The following SEMA3A variants were observed in gnomAD, a reference collection of about 807,000 sequenced individuals.
SEMA3A encodes the protein semaphorin 3A.
SEMA3A carries 29 observed loss-of-function variants against 97.9 expected under a neutral mutation model. The ratio of observed to expected loss-of-function variants is 0.30; its 90% CI spans 0.22 to 0.40. The LOEUF is 0.40. Among genes scored for constraint, SEMA3A ranks in the 10% least tolerant of loss-of-function variants. The pLI is 1.00. For missense variants in SEMA3A, 763 were observed against 951.3 expected (o/e 0.80, Z 2.60); for synonymous variants, 321 against 323.7 (o/e 0.99, Z 0.09).
chr7:84,405,609 A>G (rs1055331824), intron 1 of SEMA3A, among the ~76,000 whole-genome samples: 3 of 152,150 alleles, frequency 2.0e-5, no homozygotes, highest in Non-Finnish European at 4.4e-5. Flanking sequence ...GCAGCACCAC[A>G]CCACACCTAT....
chr7:84,229,676 T>C (rs1799071923), intron 3 of SEMA3A, among the ~76,000 whole-genome samples: 1 of 152,176 alleles, frequency 6.6e-6, no homozygotes, highest in Non-Finnish European at 1.5e-5. Context: ...TAAAATTTAA[T>C]TTTGATTTTT....
At chr7:84,299,338 ATCTCTCTCTC>A (rs368421141) in intron 3 of SEMA3A, among the ~76,000 whole-genome samples, 2 of 112,974 alleles carry the variant, frequency 1.8e-5, no homozygotes, top group Non-Finnish European at 3.5e-5. Context: ...ATATATATGT[ATCTCTCTCTC>A]TCTCTCTCTC....
intron 3 of SEMA3A, among the ~76,000 whole-genome samples, chr7:84,283,290 C>T (rs1800495229): frequency 6.6e-6 from 1 of 152,028 alleles, no homozygotes; most frequent in Non-Finnish European, 1.5e-5. Flanking sequence ...AAAGCAGATA[C>T]ATCAATACAC....
chr7:84,358,942 A>G (rs919302341), intron 2 of SEMA3A, among the ~76,000 whole-genome samples: 1 of 152,140 alleles, frequency 6.6e-6, no homozygotes, highest in East Asian at 1.9e-4. Context: ...TTTGTCTGTT[A>G]TTGGTGTATA....
At chr7:84,373,188 A>G (rs913470461) in intron 1 of SEMA3A, among the ~76,000 whole-genome samples, 2 of 152,164 alleles carry the variant, frequency 1.3e-5, no homozygotes, top group African/African-American at 2.4e-5. Context: ...AACTAGAGTG[A>G]GCTCACACAT....
chr7:84,207,458 A>G (rs969762250), intron 3 of SEMA3A, among the ~76,000 whole-genome samples: 2 of 152,214 alleles, frequency 1.3e-5, no homozygotes, highest in African/African-American at 4.8e-5. Context: ...TTGAAAAACA[A>G]ACCAGAATCA....
intron 2 of SEMA3A, among the ~76,000 whole-genome samples, chr7:84,342,448 C>G (rs1802193458): frequency 6.6e-6 from 1 of 151,994 alleles, no homozygotes; most frequent in Admixed American, 6.6e-5. Context: ...TTCAAATGAA[C>G]TAAATGAAAA....
chr7:84,275,948 G>A (rs1471391581), intron 3 of SEMA3A, among the ~76,000 whole-genome samples: 1 of 151,650 alleles, frequency 6.6e-6, no homozygotes, highest in African/African-American at 2.4e-5. Flanking sequence ...TATTTACATG[G>A]CTCATATTAC....
intron 6 of SEMA3A, among the ~76,000 whole-genome samples, chr7:84,038,719 T>C (rs1306224300): frequency 6.6e-6 from 1 of 152,142 alleles, no homozygotes; most frequent in Non-Finnish European, 1.5e-5. Flanking sequence ...TCTTAACTAA[T>C]TTATTGAAAA....
chr7:84,182,497 G>C (rs1797763023), intron 1 of SEMA3A, among the ~76,000 whole-genome samples: 2 of 152,080 alleles, frequency 1.3e-5, no homozygotes. Flanking sequence ...TACAGTCTGA[G>C]ATGCAGCCAA....
In SEMA3A at chr7:83,963,290, C is replaced by T; in HGVS notation, c.1775G>A (p.Ser592Asn). 1.2e-6 allele frequency: 2 copies of T among 1,613,764 alleles called. No individual in the cohort carries two copies. Residue 592 changes from serine (S) to asparagine (N), a missense_variant, in exon 16 of 17, where the codon AGC becomes AAC. Physicochemically the swap from Ser to Asn is conservative, Grantham distance 46 (BLOSUM62 1). Coordinates refer to ENST00000265362, the MANE Select transcript of SEMA3A (RefSeq NM_006080.3). ...CTTCGGACTGCATTCCAAAAATGTG[C>T]TACTATTCTCTACACCATAGATGAT... The part of the protein sequence containing the change: ...ERIIYGVENS[S>N]TFLECSPKSQ...
intron 1 of SEMA3A, among the ~76,000 whole-genome samples, chr7:84,444,307 C>T: frequency 6.6e-6 from 1 of 152,044 alleles, no homozygotes; most frequent in Admixed American, 6.5e-5. Context: ...AAAAGCTCTT[C>T]TTGTCTCTGC....
At chr7:84,440,922 G>T (rs1805256256) in intron 1 of SEMA3A, among the ~76,000 whole-genome samples, 1 of 152,154 alleles carries the variant, frequency 6.6e-6, no homozygotes, top group African/African-American at 2.4e-5. Flanking sequence ...ACTTTGGGAG[G>T]CCGAGGTGGG....
In SEMA3A at chr7:84,362,404, G is replaced by T. The variant is rs187461767; in HGVS notation, c.-169+9420C>A. On this transcript the variant is annotated intron_variant, in intron 2 of 3. Coordinates refer to the SEMA3A transcript ENST00000424555. ...TTGTTAATTTTATTATCATTATTCA[G>T]GGTTTTTATAGTTTCATCGTCAATA... Among the ~76,000 whole-genome samples, 6 of 151,820 alleles carry T rather than the reference G, an allele frequency of 4.0e-5. No homozygotes were observed. The East Asian group carries it at 1.2e-3, about 29-fold the overall frequency.
At chr7:84,282,865 T>A (rs1162480942) in intron 3 of SEMA3A, among the ~76,000 whole-genome samples, 1 of 151,846 alleles carries the variant, frequency 6.6e-6, no homozygotes, top group Non-Finnish European at 1.5e-5. Context: ...AATAAAAAAA[T>A]TAGCCAGGTG....
chr7:84,276,525 T>C (rs984172713), intron 3 of SEMA3A, among the ~76,000 whole-genome samples: 2 of 152,142 alleles, frequency 1.3e-5, no homozygotes, highest in Non-Finnish European at 2.9e-5. Flanking sequence ...AGGTACTTAA[T>C]AAACCAATTT....
intron 3 of SEMA3A, among the ~76,000 whole-genome samples, chr7:84,277,468 C>T (rs183189701): frequency 1.0e-3 from 152 of 152,112 alleles, no homozygotes; most frequent in East Asian, 8.1e-3. Context: ...TACATACTTT[C>T]GACGGAAAGA....
chr7:84,092,272 T>G (rs1330898067), intron 4 of SEMA3A, among the ~76,000 whole-genome samples: 1 of 152,138 alleles, frequency 6.6e-6, no homozygotes, highest in Non-Finnish European at 1.5e-5. Flanking sequence ...CTCAGAGAGC[T>G]TTAATTTGAA....
chr7:84,402,401 A>G (rs1584294188), intron 1 of SEMA3A, among the ~76,000 whole-genome samples: 3 of 152,328 alleles, frequency 2.0e-5, no homozygotes, highest in Admixed American at 2.0e-4. Flanking sequence ...TGGTGAGAAT[A>G]TAAATTAGTA....
Sources: gnomAD v4.1 joint callset for allele counts (sites outside exome capture counted in the v4.1 genomes callset) on GRCh38, gnomAD v4.1.1 for gene constraint, MANE v1.5 for transcripts, NCBI Gene and HGNC (gene_info 2026-07-23, HGNC 2026-07-21) for gene names.